Variants in TRAPPC10 observed in about 807,000 individuals in gnomAD.
TRAPPC10 encodes TRAPP 130 kDa subunit.
In TRAPPC10, 23 loss-of-function variants were observed where a neutral mutation model predicts 125.5. The ratio of observed to expected loss-of-function variants is 0.18; its 90% CI spans 0.13 to 0.26. The LOEUF is 0.26. Among genes scored for constraint, TRAPPC10 ranks in the 10% least tolerant of loss-of-function variants. The pLI is 1.00. For synonymous variants in TRAPPC10, 509 were observed against 518.0 expected, an observed-to-expected ratio of 0.98 and a Z score of 0.24; for missense variants, 1,123 against 1,308.4, an observed-to-expected ratio of 0.86 and a Z score of 2.19.
intron 7 of TRAPPC10, among the ~76,000 whole-genome samples, chr21:44,072,108 C>T (rs998929252): frequency 2.6e-5 from 4 of 152,250 alleles, no homozygotes; most frequent in Non-Finnish European, 5.9e-5. Flanking sequence ...CAAAGCGGGA[C>T]TTGCTCTTTG....
At chr21:44,039,090 C>T (rs2034216455) in intron 3 of TRAPPC10, among the ~76,000 whole-genome samples, 1 of 152,228 alleles carries the variant, frequency 6.6e-6, no homozygotes, top group African/African-American at 2.4e-5. Flanking sequence ...TTGTCCGGTT[C>T]CTCCCTGGCG....
chr21:44,071,581 GAC>G (rs764328501), intron 7 of TRAPPC10, among the ~76,000 whole-genome samples: 1 of 152,206 alleles, frequency 6.6e-6, no homozygotes, highest in Non-Finnish European at 1.5e-5. Flanking sequence ...GGAGCTAAGA[GAC>G]ACACACAGTA....
In TRAPPC10 at chr21:44,091,979, A is replaced by T; in HGVS notation, c.2927A>T (p.Asp976Val). ...NLSELDFQLSDSYLVDTGDST... is the reference protein window; with the variant it reads ...NLSELDFQLSVSYLVDTGDST... ...TCAGAACTTGACTTTCAGCTGTCAG[A>T]TAGTTATCTTGTAGATACCGGTGAT... The change falls in exon 19 of 23, where the codon GAT becomes GTT. Residue 976 changes from aspartate to valine, a missense_variant. Asp to Val is a radical substitution (Grantham distance 152). This residue lies in a region of TRAPPC10 where 840 missense variants were observed against 902.0 expected (regional missense o/e 0.93). Transcript: ENST00000291574. 1 of 1,614,172 alleles carries T rather than the reference A, an allele frequency of 6.2e-7. No individual in the cohort carries two copies. The highest frequency in any genetic ancestry group is 8.5e-7 in the Non-Finnish European group (1 of 1,180,026).
chr21:44,076,535 G>A lies in TRAPPC10; in HGVS notation c.1301-17G>A, dbSNP rs370425424. ...ATGATGAAGATGAAGAGGGACTCTCGTTTCTTTCTGTTTAAGCCAACACAG... is the reference window on the plus strand; with the variant it reads ...ATGATGAAGATGAAGAGGGACTCTCATTTCTTTCTGTTTAAGCCAACACAG... On this transcript the variant is annotated splice_polypyrimidine_tract_variant and intron_variant, in intron 9 of 22. Coordinates refer to ENST00000291574, the MANE Select transcript of TRAPPC10 (RefSeq NM_003274.5). 3.2e-5 allele frequency: 52 copies of A among 1,608,070 alleles called. No individual in the cohort carries two copies. Among genetic ancestry groups the A allele is most frequent in the Non-Finnish European group, 4.2e-5 (49 of 1,174,774 alleles).
intron 1 of TRAPPC10, among the ~76,000 whole-genome samples, chr21:44,021,903 T>A (rs1277998558): frequency 6.6e-6 from 1 of 152,068 alleles, no homozygotes; most frequent in African/African-American, 2.4e-5. Flanking sequence ...CACCTTGATC[T>A]CGGGCTTCTT....
Position 44,088,793 on chromosome 21 carries a change from TC to T in TRAPPC10, c.2769+868del, listed in dbSNP as rs11462769. ...GCTGTGTGCCGTGTTATCCCACTCT[TC>T]CCTGGCGCTGGCGGCACCTGTGCTG... On this transcript the variant is annotated intron_variant, in intron 17 of 22. Coordinates refer to ENST00000291574, the MANE Select transcript of TRAPPC10 (RefSeq NM_003274.5). 5.0e-5 allele frequency: 4 copies of T among 80,024 alleles called. No individual in the cohort carries two copies. The East Asian group carries it at 1.7e-3, about 35-fold the overall frequency. 5.0% of individuals were successfully genotyped at this position (80,024 alleles called of 1,614,324 possible).
chr21:44,023,472 T>C (rs1601565064), intron 1 of TRAPPC10, among the ~76,000 whole-genome samples: 1 of 152,206 alleles, frequency 6.6e-6, no homozygotes, highest in Admixed American at 6.5e-5. Flanking sequence ...TCCATTGCAT[T>C]GTTGCCTCGT....
intron 11 of TRAPPC10, among the ~76,000 whole-genome samples, chr21:44,079,221 C>G (rs943332115): frequency 1.3e-5 from 2 of 152,160 alleles, no homozygotes; most frequent in African/African-American, 4.8e-5. Context: ...AGCCTTGGCC[C>G]TCTTGCCTGT....
intron 1 of TRAPPC10, among the ~76,000 whole-genome samples, chr21:44,014,428 CTG>C (rs1266065206): frequency 6.6e-6 from 1 of 151,200 alleles, no homozygotes; most frequent in Admixed American, 6.6e-5. Context: ...GCGTCTTTCT[CTG>C]TCGCCCAGGC....
Position 44,063,556 on chromosome 21 carries a change from C to T in TRAPPC10, c.809C>T (p.Thr270Ile). Reference sequence around the variant, plus strand: ...TGTTTAGATGGTGCCAACTGGCTGACTTTTTTCTGCCAGCCAGTGAAGAGC... The same window carrying T: ...TGTTTAGATGGTGCCAACTGGCTGATTTTTTTCTGCCAGCCAGTGAAGAGC... ...FGAGDGANWL[T>I]FFCQPVKSWN... The change falls in exon 7 of 23, where the codon ACT becomes ATT. Residue 270 changes from threonine to isoleucine, a missense_variant. Thr to Ile is a moderately conservative substitution (Grantham distance 89). Coordinates refer to ENST00000291574, the MANE Select transcript of TRAPPC10 (RefSeq NM_003274.5). The surrounding 1 kb of genome is among the most constrained non-coding windows in gnomAD (Gnocchi z 4.4). 1 of 1,614,188 alleles carries T rather than the reference C, an allele frequency of 6.2e-7. No homozygotes were observed. The highest frequency in any genetic ancestry group is 1.1e-5 in the South Asian group (1 of 91,080).
At chr21:44,046,844 A>T in intron 3 of TRAPPC10, 1 of 682,046 alleles carries the variant, frequency 1.5e-6, no homozygotes, top group East Asian at 3.0e-5. Flanking sequence ...TGCCAGTTCA[A>T]GTCCCTCTGC....
intron 1 of TRAPPC10, among the ~76,000 whole-genome samples, chr21:44,025,494 C>T (rs1042807721): frequency 1.3e-5 from 2 of 152,160 alleles, no homozygotes; most frequent in African/African-American, 4.8e-5. Flanking sequence ...TATTCAGATG[C>T]ATTTATCCAG....
At chr21:44,015,956 C>T (rs919260824) in intron 1 of TRAPPC10, among the ~76,000 whole-genome samples, 4 of 152,186 alleles carry the variant, frequency 2.6e-5, no homozygotes, top group African/African-American at 9.7e-5. Context: ...AAACCTCCTG[C>T]CTAACGGGCT....
At chr21:44,032,240 ATAAG>A in intron 2 of TRAPPC10, 68 bp downstream of exon 2, 1 of 1,299,822 alleles carries the variant, frequency 7.7e-7, no homozygotes, top group South Asian at 1.2e-5. Flanking sequence ...ATGTTTTTAA[ATAAG>A]TATATGTTGT....
chr21:44,059,040 C>G lies in TRAPPC10; in HGVS notation c.679-63C>G, dbSNP rs2035834486. 7.6e-7 allele frequency: 1 copy of G among 1,308,878 alleles called. No individual in the cohort carries two copies. The highest frequency in any genetic ancestry group is 1.4e-5 in the South Asian group (1 of 70,496). 81.1% of individuals were successfully genotyped at this position (1,308,878 alleles called of 1,614,324 possible). On this transcript the variant is annotated intron_variant, in intron 5 of 22. Coordinates refer to ENST00000291574, the MANE Select transcript of TRAPPC10 (RefSeq NM_003274.5). The surrounding 1 kb of genome is among the most constrained non-coding windows in gnomAD (Gnocchi z 4.4). ...TTCTCTGTCGTTTAATGGCTACATACTGTTTCTTCTATACATTGATTTATG... is the reference window on the plus strand; with the variant it reads ...TTCTCTGTCGTTTAATGGCTACATAGTGTTTCTTCTATACATTGATTTATG...
At chr21:44,084,303 G>C in intron 15 of TRAPPC10, 40 bp downstream of exon 15, 1 of 1,601,216 alleles carries the variant, frequency 6.2e-7, no homozygotes, top group Non-Finnish European at 8.5e-7. Context: ...CGTGCTGCTG[G>C]GGCAGTTCTG....
intron 2 of TRAPPC10, 38 bp downstream of exon 2, chr21:44,032,210 C>T: frequency 1.3e-6 from 2 of 1,522,584 alleles, no homozygotes; most frequent in Non-Finnish European, 1.8e-6. Context: ...TCCCTCTCTT[C>T]ATTTTTTAAA....
chr21:44,072,862 G>T (rs1354831731), intron 7 of TRAPPC10, among the ~76,000 whole-genome samples: 1 of 152,204 alleles, frequency 6.6e-6, no homozygotes, highest in Non-Finnish European at 1.5e-5. Flanking sequence ...AGCGTCTTGG[G>T]AGATGAAAAG....
chr21:44,091,333 C>T (rs958725393), intron 18 of TRAPPC10, among the ~76,000 whole-genome samples: 7 of 152,230 alleles, frequency 4.6e-5, no homozygotes, highest in African/African-American at 9.7e-5. Flanking sequence ...TCCCCAAAGG[C>T]CAGTGAGGGT....
Sources: gnomAD v4.1 joint callset for allele counts (sites outside exome capture counted in the v4.1 genomes callset) on GRCh38, gnomAD v4.1.1 for gene constraint, gnomAD v4.1.1 regional missense constraint, Gnocchi (gnomAD v3.1) non-coding constraint, MANE v1.5 for transcripts, NCBI Gene and HGNC (gene_info 2026-07-23, HGNC 2026-07-21) for gene names.